The following SLC1A3 variants were observed in gnomAD, a reference collection of about 807,000 sequenced individuals.
SLC1A3 encodes the protein solute carrier family 1 member 3.
A neutral mutation model predicts 48.1 loss-of-function variants in SLC1A3; 21 were observed. That is an observed-to-expected ratio of 0.44 (90% confidence interval 0.31 to 0.63). SLC1A3 has a LOEUF of 0.63. Among genes scored for constraint, SLC1A3 ranks in the 20% least tolerant of loss-of-function variants. The probability of loss-of-function intolerance (pLI) is 0.08; values close to 1 mark genes in which losing one functional copy is unlikely to be tolerated. For missense variants in SLC1A3, 546 were observed against 689.0 expected, an observed-to-expected ratio of 0.79 and a Z score of 2.32; for synonymous variants, 239 against 251.4, an observed-to-expected ratio of 0.95 and a Z score of 0.47.
chr5:36,625,878 G>C (rs1459386407), intron 2 of SLC1A3, among the ~76,000 whole-genome samples: 1 of 152,290 alleles, frequency 6.6e-6, no homozygotes, highest in Non-Finnish European at 1.5e-5. Context: ...ACACATCCTA[G>C]AGTAGGACTG....
In SLC1A3 at chr5:36,627,739, G is replaced by C. The variant is rs182653590; in HGVS notation, c.182-1711G>C. Among the ~76,000 whole-genome samples the C allele has an allele frequency of 9.1e-4, 138 of 152,308 alleles. 2 individuals are homozygous for C. The highest frequency in any genetic ancestry group is 3.2e-3 in the African/African-American group (132 of 41,578). On this transcript the variant is annotated intron_variant, in intron 2 of 9. Coordinates refer to ENST00000265113, the MANE Select transcript of SLC1A3 (RefSeq NM_004172.5). ...CTATGTATTGGAACATTCTGCAAAAGAGACACACAAAGTGGTTGCCTTTGC... is the reference window on the plus strand; with the variant it reads ...CTATGTATTGGAACATTCTGCAAAACAGACACACAAAGTGGTTGCCTTTGC...
intron 3 of SLC1A3, among the ~76,000 whole-genome samples, chr5:36,640,596 T>G (rs1377639392): frequency 6.6e-6 from 1 of 152,214 alleles, no homozygotes; most frequent in Admixed American, 6.5e-5. Context: ...GAGTGGCCAG[T>G]AGCTGAGTTT....
At chr5:36,604,194 T>C (rs1484348105), upstream of SLC1A3, among the ~76,000 whole-genome samples, 9 of 152,236 alleles carry the variant, frequency 5.9e-5, no homozygotes, top group Admixed American at 4.6e-4. Flanking sequence ...TGCTGGTGTT[T>C]GTGTTTTTTT....
At chr5:36,679,884 G>A (rs1270002258) in intron 7 of SLC1A3, 24 bp downstream of exon 7, 4 of 1,546,122 alleles carry the variant, frequency 2.6e-6, no homozygotes, top group South Asian at 2.2e-5. Context: ...TGTGGAAAAT[G>A]AGTCTGAAAT....
chr5:36,634,620 CTT>C (rs370550771), intron 3 of SLC1A3, among the ~76,000 whole-genome samples: 1 of 148,934 alleles, frequency 6.7e-6, no homozygotes. Flanking sequence ...TCTAACAATA[CTT>C]TTTTTTTTAT....
chr5:36,656,029 T>C (rs1199351524), intron 3 of SLC1A3, among the ~76,000 whole-genome samples: 1 of 152,180 alleles, frequency 6.6e-6, no homozygotes, highest in Non-Finnish European at 1.5e-5. Context: ...ACTGAGAACA[T>C]TGGTGTTGCA....
intron 3 of SLC1A3, chr5:36,670,824 G>A: frequency 3.3e-6 from 2 of 611,474 alleles, no homozygotes; most frequent in Non-Finnish European, 5.9e-6. Flanking sequence ...CATGTTCACT[G>A]ACACTGCTGA....
In SLC1A3 at chr5:36,676,959, C is replaced by T. The variant is rs1742234348; in HGVS notation, c.635C>T (p.Ala212Val). The change falls in exon 6 of 10, where the codon GCT becomes GTT. Residue 212 changes from alanine to valine, a missense_variant. Ala to Val is a moderately conservative substitution (Grantham distance 64). This residue lies in a region of SLC1A3 where 348 missense variants were observed against 392.0 expected (regional missense o/e 0.89). Coordinates refer to ENST00000265113, the MANE Select transcript of SLC1A3 (RefSeq NM_004172.5). ...PIQANETLVG[A>V]VINNVSEAME... is the part of the protein sequence containing the mutation. ...CAGGCCAACGAAACGCTTGTGGGTG[C>T]TGTGATAAACAATGTGTCTGAGGCC... The T allele has an allele frequency of 6.2e-7, 1 of 1,613,904 alleles. No homozygotes were observed. The highest frequency in any genetic ancestry group is 8.5e-7 in the Non-Finnish European group (1 of 1,179,854).
rs147751242 is a variant in SLC1A3, at chr5:36,618,662, A to T, written c.181+10058A>T. Reference sequence around the variant, plus strand: ...AACAGAGGCTCTGAAAGAACAGAAAAGGGAATAGATGGAAATGGGAACACC... The same window carrying T: ...AACAGAGGCTCTGAAAGAACAGAAATGGGAATAGATGGAAATGGGAACACC... On this transcript the variant is annotated intron_variant, in intron 2 of 9. Transcript: ENST00000265113. Among the ~76,000 whole-genome samples, 489 of 151,998 alleles carry T rather than the reference A, an allele frequency of 3.2e-3. 5 individuals are homozygous for T. Among genetic ancestry groups the T allele is most frequent in the African/African-American group, 0.012 (483 of 41,296 alleles).
chr5:36,625,991 T>C (rs1443425804), intron 2 of SLC1A3, among the ~76,000 whole-genome samples: 3 of 152,338 alleles, frequency 2.0e-5, no homozygotes, highest in East Asian at 1.9e-4. Context: ...ATTGTTCTGT[T>C]AGATATCTGT....
intron 3 of SLC1A3, among the ~76,000 whole-genome samples, chr5:36,647,653 A>G (rs1279373360): frequency 6.6e-6 from 1 of 152,220 alleles, no homozygotes; most frequent in Non-Finnish European, 1.5e-5. Context: ...ACTTATAAAC[A>G]TTAAGATAGA....
intron 3 of SLC1A3, among the ~76,000 whole-genome samples, chr5:36,649,749 T>C (rs1740986074): frequency 6.6e-6 from 1 of 152,232 alleles, no homozygotes; most frequent in Non-Finnish European, 1.5e-5. Flanking sequence ...TTCTCAGTAA[T>C]TAATAGTAGC....
chr5:36,673,925 A>G (rs1435294532), intron 4 of SLC1A3, 124 bp from the exon 5 acceptor site: 1 of 792,346 alleles, frequency 1.3e-6, no homozygotes. Flanking sequence ...ATCCACTAAC[A>G]TTTTTGTTTT....
chr5:36,672,639 A>G (rs781596379), intron 4 of SLC1A3, among the ~76,000 whole-genome samples: 5 of 152,286 alleles, frequency 3.3e-5, no homozygotes, highest in Non-Finnish European at 7.4e-5. Context: ...TGGGGAGCAG[A>G]GGGTACCTTC....
chr5:36,619,952 C>T (rs1010547384), intron 2 of SLC1A3, among the ~76,000 whole-genome samples: 3 of 152,144 alleles, frequency 2.0e-5, no homozygotes, highest in Non-Finnish European at 2.9e-5. Context: ...AAACTCAGAA[C>T]TTAAAGTTCA....
chr5:36,680,489 A>G lies in SLC1A3; in HGVS notation c.1189A>G (p.Ile397Val). The G allele has an allele frequency of 6.2e-7, 1 of 1,614,204 alleles. No individual in the cohort carries two copies. Among genetic ancestry groups the G allele is most frequent in the South Asian group, 1.1e-5 (1 of 91,086 alleles). The change falls in exon 8 of 10, where the codon ATT becomes GTT. Residue 397 changes from isoleucine (I) to valine (V), a missense_variant. Coordinates refer to ENST00000265113, the MANE Select transcript of SLC1A3 (RefSeq NM_004172.5). ...TRFVLPVGATINMDGTALYEA... is the reference protein window; with the variant it reads ...TRFVLPVGATVNMDGTALYEA... ...ATTCGTGCTCCCCGTAGGAGCCACC[A>G]TTAACATGGATGGGACTGCCCTCTA...
At chr5:36,654,025 G>A (rs1045393875) in intron 3 of SLC1A3, among the ~76,000 whole-genome samples, 13 of 152,140 alleles carry the variant, frequency 8.5e-5, no homozygotes, top group African/African-American at 1.4e-4. Context: ...TGTATTTTTC[G>A]TAGAGACAGG....
chr5:36,687,967 C>T lies in SLC1A3; in HGVS notation c.*1698C>T, dbSNP rs923929862. 4 of 152,220 alleles carry T rather than the reference C, an allele frequency of 2.6e-5. No individual in the cohort carries two copies. Among genetic ancestry groups the T allele is most frequent in the East Asian group, 3.8e-4 (2 of 5,202 alleles). The allele number at this position is 152,220 out of a possible 1,614,324, so 9.4% of individuals were successfully genotyped here. On this transcript the variant is annotated 3_prime_UTR_variant, in exon 10 of 10. Transcript: ENST00000265113. ...AAACTGAAAAATCTAGACATAGATC[C>T]TCTGATATACAATTAGAGATATTTT...
intron 2 of SLC1A3, among the ~76,000 whole-genome samples, chr5:36,625,456 C>G (rs1739865959): frequency 6.6e-6 from 1 of 151,854 alleles, no homozygotes. Context: ...GACTCTATCT[C>G]AAAAAAATAA....
Sources: allele counts gnomAD v4.1 joint callset (sites outside exome capture counted in the v4.1 genomes callset), GRCh38; gene constraint gnomAD v4.1.1; regional missense constraint gnomAD v4.1.1; transcripts MANE v1.5; gene names NCBI Gene and HGNC (gene_info 2026-07-23, HGNC 2026-07-21).